The following CSMD1 variants were observed in gnomAD, a reference collection of about 807,000 sequenced individuals.
The protein encoded by CSMD1 is CUB and sushi domain-containing protein 1.
In CSMD1, 213 loss-of-function variants were observed where a neutral mutation model predicts 417.5. The observed-to-expected ratio is 0.51, with a 90% CI of 0.46 to 0.57. CSMD1 has a LOEUF of 0.57. CSMD1 is among the 20% of genes least tolerant of loss of function. CSMD1 has a pLI of 0.00. For synonymous variants in CSMD1, 2,862 were observed against 1,736.8 expected (o/e 1.65, Z -16.11); for missense variants, 6,923 against 4,529.7 (o/e 1.53, Z -15.17).
chr8:4,020,888 C>T (rs62502684), intron 4 of CSMD1, among the ~76,000 whole-genome samples: 146 of 152,274 alleles, frequency 9.6e-4, no homozygotes, highest in Non-Finnish European at 1.8e-3. Flanking sequence ...TGGTCCTACT[C>T]AGCTCAAATA....
intron 1 of CSMD1, among the ~76,000 whole-genome samples, chr8:4,850,045 A>C (rs1036475131): frequency 2.2e-4 from 34 of 152,104 alleles, no homozygotes; most frequent in African/African-American, 8.2e-4. Flanking sequence ...TACGTACTAT[A>C]CTTGGCTTTT....
At chr8:3,179,991 A>G (rs908709273) in intron 37 of CSMD1, among the ~76,000 whole-genome samples, 1 of 152,236 alleles carries the variant, frequency 6.6e-6, no homozygotes, top group Non-Finnish European at 1.5e-5. Flanking sequence ...CCTTTCAAAA[A>G]TATGCATGCA....
intron 1 of CSMD1, among the ~76,000 whole-genome samples, chr8:4,786,593 G>A (rs749721582): frequency 1.3e-5 from 2 of 152,156 alleles, no homozygotes; most frequent in Admixed American, 1.3e-4. Context: ...TGGCATTTGA[G>A]GCATCAACAT....
At chr8:3,781,792 C>G (rs891058420) in intron 5 of CSMD1, among the ~76,000 whole-genome samples, 1 of 152,084 alleles carries the variant, frequency 6.6e-6, no homozygotes, top group African/African-American at 2.4e-5. Context: ...ATAAATGTTT[C>G]CTTTTAAAAA....
chr8:3,151,346 G>A (rs564128053), intron 40 of CSMD1, 51 bp downstream of exon 40: 4 of 1,156,052 alleles, frequency 3.5e-6, no homozygotes, highest in Non-Finnish European at 5.1e-6. Context: ...TTCTTTCCAA[G>A]ATGGAAATGA....
intron 6 of CSMD1, among the ~76,000 whole-genome samples, chr8:3,747,226 G>C (rs78045398): frequency 2.0e-5 from 3 of 152,026 alleles, no homozygotes; most frequent in African/African-American, 4.8e-5. Flanking sequence ...TCCATTTCTC[G>C]CATGAGAGTT....
intron 3 of CSMD1, among the ~76,000 whole-genome samples, chr8:4,217,258 A>G (rs777576875): frequency 6.6e-6 from 1 of 152,212 alleles, no homozygotes; most frequent in Admixed American, 6.5e-5. Flanking sequence ...TATGGGATTT[A>G]GAATTTGCAG....
chr8:3,644,298 T>C (rs1797463277), intron 7 of CSMD1, among the ~76,000 whole-genome samples: 1 of 152,216 alleles, frequency 6.6e-6, no homozygotes, highest in African/African-American at 2.4e-5. Context: ...ACACTGCCTG[T>C]GATCAATTTT....
intron 41 of CSMD1, among the ~76,000 whole-genome samples, chr8:3,119,931 CATAAA>C (rs1192644639): frequency 2.0e-5 from 3 of 152,110 alleles, no homozygotes; most frequent in Non-Finnish European, 4.4e-5. Context: ...AAAATCAAGT[CATAAA>C]ATAAAGTCTC....
chr8:3,954,918 G>C (rs559846162), intron 5 of CSMD1, among the ~76,000 whole-genome samples: 1 of 152,134 alleles, frequency 6.6e-6, no homozygotes, highest in Non-Finnish European at 1.5e-5. Flanking sequence ...CTCCATCTTT[G>C]TCCTTTAACA....
intron 3 of CSMD1, among the ~76,000 whole-genome samples, chr8:4,177,937 A>C (rs1455088540): frequency 6.6e-6 from 1 of 152,122 alleles, no homozygotes; most frequent in Non-Finnish European, 1.5e-5. Flanking sequence ...GGCAACAATC[A>C]ATAGCTTATC....
intron 3 of CSMD1, among the ~76,000 whole-genome samples, chr8:4,141,821 T>A (rs1415894864): frequency 6.6e-6 from 1 of 151,116 alleles, no homozygotes; most frequent in African/African-American, 2.5e-5. Context: ...TAACTGAACA[T>A]ATAATTCATC....
At chr8:3,889,630 G>C (rs949120623) in intron 5 of CSMD1, among the ~76,000 whole-genome samples, 2 of 150,908 alleles carry the variant, frequency 1.3e-5, no homozygotes, top group African/African-American at 4.9e-5. Flanking sequence ...ACAGTGTGAA[G>C]AGGAAATCAA....
At chr8:4,455,762 C>G (rs910833888) in intron 2 of CSMD1, among the ~76,000 whole-genome samples, 15 of 151,122 alleles carry the variant, frequency 9.9e-5, no homozygotes, top group African/African-American at 3.4e-4. Context: ...GAAACCCCGT[C>G]TCTACTAAAA....
chr8:3,383,107 C>G (rs1475637061), intron 18 of CSMD1, among the ~76,000 whole-genome samples: 3 of 25,038 alleles, frequency 1.2e-4, no homozygotes, highest in Non-Finnish European at 2.8e-4. Context: ...TACCACAAAT[C>G]CACAAATTTT....
intron 38 of CSMD1, among the ~76,000 whole-genome samples, chr8:3,158,397 A>T (rs1819668462): frequency 6.6e-6 from 1 of 152,094 alleles, no homozygotes; most frequent in South Asian, 2.1e-4. Flanking sequence ...GCTTATGGAG[A>T]GGTAGCTTCG....
intron 3 of CSMD1, among the ~76,000 whole-genome samples, chr8:4,247,971 G>A (rs983189504): frequency 5.3e-5 from 8 of 152,024 alleles, no homozygotes; most frequent in African/African-American, 9.7e-5. Flanking sequence ...TTTGGAAATT[G>A]CTTCAACCAA....
chr8:3,723,691 G>A (rs1259886866), intron 6 of CSMD1, among the ~76,000 whole-genome samples: 2 of 152,132 alleles, frequency 1.3e-5, no homozygotes, highest in South Asian at 4.1e-4. Flanking sequence ...TAAGAGCAGG[G>A]TGATATTAAC....
At chr8:4,725,305 A>AT (rs1044793315) in intron 1 of CSMD1, among the ~76,000 whole-genome samples, 2 of 152,222 alleles carry the variant, frequency 1.3e-5, no homozygotes, top group Non-Finnish European at 2.9e-5. Context: ...CTTCAACACC[A>AT]TTTTTCCTAA....
Sources: gnomAD v4.1 joint callset for allele counts (sites outside exome capture counted in the v4.1 genomes callset) on GRCh38, gnomAD v4.1.1 for gene constraint, MANE v1.5 for transcripts, NCBI Gene and HGNC (gene_info 2026-07-23, HGNC 2026-07-21) for gene names.